FBXO11: variants seen among roughly 807,000 people sequenced by gnomAD.
The protein encoded by FBXO11 is F-box protein 11.
In FBXO11, 13 loss-of-function variants were observed where a neutral mutation model predicts 117.0. That is an observed-to-expected ratio of 0.11 (90% CI 0.07 to 0.18). The LOEUF is 0.18. Among genes scored for constraint, FBXO11 ranks in the 10% least tolerant of loss-of-function variants. The pLI is 1.00. For synonymous variants in FBXO11, 490 were observed against 380.5 expected (o/e 1.29, Z -3.35); for missense variants, 767 against 1,164.4 (o/e 0.66, Z 4.97).
rs1265467109 is a variant in FBXO11 at position 47,807,609 on chromosome 2, AAAAC to A, written c.*505_*508del. 4 of 219,738 alleles carry A rather than the reference AAAAC, an allele frequency of 1.8e-5. No individual in the cohort carries two copies. Among genetic ancestry groups the A allele is most frequent in the African/African-American group, 4.5e-5 (2 of 44,540 alleles). 13.6% of individuals were successfully genotyped at this position (219,738 alleles called of 1,614,324 possible). A position where few individuals can be genotyped will look rare whatever the true frequency, so the allele number is the denominator to read the frequency against. On this transcript the variant is annotated 3_prime_UTR_variant, in exon 23 of 23. Coordinates refer to ENST00000403359, the MANE Select transcript of FBXO11 (RefSeq NM_001190274.2). ...TACAGTAAGATTTTGCTTGAAATTA[AAAAC>A]AAACTACATGAGATTAAAGCATTAA...
intron 1 of FBXO11, among the ~76,000 whole-genome samples, chr2:47,890,996 A>ATT (rs138415577): frequency 2.0e-5 from 3 of 148,962 alleles, no homozygotes; most frequent in Non-Finnish European, 3.0e-5. Flanking sequence ...TTTTTTTTTA[A>ATT]TTTTTTTTGT....
At chr2:47,867,541 C>A (rs1277123432) in intron 1 of FBXO11, among the ~76,000 whole-genome samples, 1 of 152,184 alleles carries the variant, frequency 6.6e-6, no homozygotes, top group Non-Finnish European at 1.5e-5. Flanking sequence ...TAAATGATTA[C>A]TGTAAGTCCC....
chr2:47,877,042 G>GT (rs570651515), intron 1 of FBXO11, among the ~76,000 whole-genome samples: 13,368 of 144,162 alleles, frequency 0.093, 662 homozygotes, highest in Non-Finnish European at 0.12. Context: ...TTAATACAGG[G>GT]TTTTTTTTTT....
intron 1 of FBXO11, among the ~76,000 whole-genome samples, chr2:47,870,570 A>G (rs1675550856): frequency 1.3e-5 from 2 of 152,194 alleles, no homozygotes; most frequent in South Asian, 4.1e-4. Context: ...CTGCAAACCA[A>G]GGAATACCAA....
intron 1 of FBXO11, among the ~76,000 whole-genome samples, chr2:47,897,684 G>A (rs1403478903): frequency 5.5e-5 from 7 of 126,632 alleles, no homozygotes; most frequent in Admixed American, 9.2e-5. Context: ...GTGACAGAGT[G>A]AGACTGTGTC....
rs189207250 is a variant in FBXO11 at position 47,890,949 on chromosome 2, T to C, written c.232+14540A>G. On this transcript the variant is annotated intron_variant, in intron 1 of 22. Transcript: ENST00000403359. ...CCTCCCATCTCAGCCTCCTGAGCAG[T>C]TGGGACCACAGGCATGTGCCACCAT... Among the ~76,000 whole-genome samples, 50 of 152,198 alleles carry C rather than the reference T, an allele frequency of 3.3e-4. No homozygotes were observed. In the East Asian group the frequency reaches 7.0e-3, roughly 21 times the overall value.
chr2:47,809,284 A>C lies in FBXO11; in HGVS notation c.2447-18T>G. The stretch of plus-strand genomic sequence containing the variant: ...TTTGTTATCTGTAATAAAAGAAAGA[A>C]TAAGTAAAAATTCAGAGGAATGTTA... On this transcript the variant is annotated intron_variant, in intron 20 of 22. Transcript: ENST00000403359. The C allele has an allele frequency of 6.9e-7, 1 of 1,438,962 alleles. No homozygotes were observed. Among genetic ancestry groups the C allele is most frequent in the Non-Finnish European group, 9.6e-7 (1 of 1,039,282 alleles). 89.1% of individuals were successfully genotyped at this position (1,438,962 alleles called of 1,614,324 possible).
At chr2:47,897,701 C>CAAAAA (rs60982405) in intron 1 of FBXO11, among the ~76,000 whole-genome samples, 12 of 103,084 alleles carry the variant, frequency 1.2e-4, no homozygotes, top group South Asian at 3.0e-4. Context: ...TGTCTTAAAC[C>CAAAAA]AAAAAAAAAA....
intron 11 of FBXO11, among the ~76,000 whole-genome samples, chr2:47,828,548 G>A (rs1671935560): frequency 6.6e-6 from 1 of 151,560 alleles, no homozygotes; most frequent in Non-Finnish European, 1.5e-5. Context: ...GGTGGAGGTT[G>A]CAGTGAGCCG....
At chr2:47,883,037 C>T (rs137977595) in intron 1 of FBXO11, among the ~76,000 whole-genome samples, 1 of 152,252 alleles carries the variant, frequency 6.6e-6, no homozygotes, top group Non-Finnish European at 1.5e-5. Flanking sequence ...TGAGTTCTTA[C>T]CATTCCTGCT....
intron 1 of FBXO11, among the ~76,000 whole-genome samples, chr2:47,903,315 CAG>C (rs1678441070): frequency 6.6e-6 from 1 of 152,170 alleles, no homozygotes; most frequent in Non-Finnish European, 1.5e-5. Flanking sequence ...TGTGCCAACA[CAG>C]AATCTCCAAA....
chr2:47,881,983 A>G (rs1676463626), intron 1 of FBXO11, among the ~76,000 whole-genome samples: 1 of 152,136 alleles, frequency 6.6e-6, no homozygotes, highest in Admixed American at 6.6e-5. Context: ...CCTGGCCTCA[A>G]GTGATCTGCC....
intron 1 of FBXO11, among the ~76,000 whole-genome samples, chr2:47,862,388 G>T (rs1027257766): frequency 6.6e-6 from 1 of 152,208 alleles, no homozygotes; most frequent in Non-Finnish European, 1.5e-5. Flanking sequence ...CAAAGGGCGG[G>T]TGATATGAAG....
chr2:47,854,909 T>C (rs1230959860), intron 1 of FBXO11, among the ~76,000 whole-genome samples: 2 of 151,504 alleles, frequency 1.3e-5, no homozygotes, highest in Non-Finnish European at 2.9e-5. Context: ...GTAACATTCA[T>C]CAAACCTTTT....
chr2:47,837,481 T>G (rs1474088082), intron 4 of FBXO11, among the ~76,000 whole-genome samples: 1 of 152,160 alleles, frequency 6.6e-6, no homozygotes, highest in Non-Finnish European at 1.5e-5. Context: ...GAGTCAAGAT[T>G]GTGCCACTGC....
chr2:47,858,583 G>A (rs1288817566), intron 1 of FBXO11, among the ~76,000 whole-genome samples: 1 of 148,652 alleles, frequency 6.7e-6, no homozygotes, highest in Non-Finnish European at 1.5e-5. Context: ...TCAGGAGGCT[G>A]AGGCAGGAGA....
At chr2:47,868,339 T>C (rs1051915134) in intron 1 of FBXO11, among the ~76,000 whole-genome samples, 1 of 151,504 alleles carries the variant, frequency 6.6e-6, no homozygotes, top group African/African-American at 2.4e-5. Context: ...TCTGGAAGCT[T>C]TCATGTTCTT....
intron 1 of FBXO11, among the ~76,000 whole-genome samples, chr2:47,853,843 TAA>T (rs1176760837): frequency 3.3e-5 from 5 of 152,164 alleles, no homozygotes; most frequent in Non-Finnish European, 5.9e-5. Flanking sequence ...CCTGGAGGCT[TAA>T]AAAAAGTTAT....
chr2:47,866,474 GTT>G (rs774659588), intron 1 of FBXO11, among the ~76,000 whole-genome samples: 2 of 142,216 alleles, frequency 1.4e-5, no homozygotes, highest in African/African-American at 2.6e-5. Flanking sequence ...TAGCAAGTTT[GTT>G]TTTTTTTTTT....
Sources: gnomAD v4.1 joint callset for allele counts (sites outside exome capture counted in the v4.1 genomes callset) on GRCh38, gnomAD v4.1.1 for gene constraint, MANE v1.5 for transcripts, NCBI Gene and HGNC (gene_info 2026-07-23, HGNC 2026-07-21) for gene names.